The following CARMIL1 variants were observed in gnomAD, a reference collection of about 807,000 sequenced individuals.
CARMIL1 encodes the protein F-actin-uncapping protein LRRC16A.
In CARMIL1, 90 loss-of-function variants were observed where a neutral mutation model predicts 177.1. The observed-to-expected ratio is 0.51, with a 90% CI of 0.43 to 0.61. The LOEUF (loss-of-function observed/expected upper bound fraction) is 0.61. Ranked by LOEUF, CARMIL1 falls within the 20% of genes least tolerant of loss-of-function variation. CARMIL1 has a pLI of 0.00. For synonymous variants in CARMIL1, 577 were observed against 606.2 expected, an observed-to-expected ratio of 0.95 and a Z score of 0.71; for missense variants, 1,380 against 1,667.0, an observed-to-expected ratio of 0.83 and a Z score of 3.00.
At chr6:25,409,962 C>A (rs1794760806) in intron 2 of CARMIL1, among the ~76,000 whole-genome samples, 1 of 152,142 alleles carries the variant, frequency 6.6e-6, no homozygotes, top group African/African-American at 2.4e-5. Context: ...ACCTTAATTT[C>A]TTGATAGGAT....
At chr6:25,594,392 C>T in intron 31 of CARMIL1, 23 bp from the exon 32 acceptor site, 5 of 1,436,930 alleles carry the variant, frequency 3.5e-6, no homozygotes, top group Non-Finnish European at 4.9e-6. Context: ...TGTGAATTAA[C>T]ATTACATCTG....
rs143864271 is a variant in CARMIL1 at position 25,483,421 on chromosome 6, C to G, written c.961+1078C>G. On this transcript the variant is annotated intron_variant, in intron 12 of 36. Transcript: ENST00000329474. The stretch of plus-strand genomic sequence containing the variant: ...ATTTGTAAGACAGAAATAACACTAT[C>G]TTATTTCTACACAGGTAGAGTTAAA... 4.4e-3 allele frequency among the ~76,000 whole-genome samples: 662 copies of G among 152,176 alleles called. 8 individuals are homozygous for G. Among genetic ancestry groups the G allele is most frequent in the African/African-American group, 0.015 (618 of 41,508 alleles).
At chr6:25,328,375 G>A (rs1043265065) in intron 2 of CARMIL1, among the ~76,000 whole-genome samples, 10 of 152,022 alleles carry the variant, frequency 6.6e-5, no homozygotes, top group Non-Finnish European at 8.8e-5. Context: ...GGCTTGGTCC[G>A]TCAAGACTGG....
At chr6:25,532,069 C>T (rs1244506739) in intron 24 of CARMIL1, among the ~76,000 whole-genome samples, 1 of 151,522 alleles carries the variant, frequency 6.6e-6, no homozygotes, top group African/African-American at 2.4e-5. Flanking sequence ...CCATGCCTGG[C>T]CCAAGACTTC....
At chr6:25,493,558 T>G (rs1245246773) in intron 15 of CARMIL1, among the ~76,000 whole-genome samples, 1 of 152,158 alleles carries the variant, frequency 6.6e-6, no homozygotes, top group Non-Finnish European at 1.5e-5. Flanking sequence ...CAGAGCAGCC[T>G]CCTATCTAGA....
At chr6:25,394,838 A>G (rs1033921956) in intron 2 of CARMIL1, among the ~76,000 whole-genome samples, 1 of 152,218 alleles carries the variant, frequency 6.6e-6, no homozygotes, top group Non-Finnish European at 1.5e-5. Context: ...AATGAGTACT[A>G]CCTATTTGGA....
intron 25 of CARMIL1, among the ~76,000 whole-genome samples, chr6:25,538,228 C>T (rs1282528221): frequency 6.6e-6 from 1 of 152,182 alleles, no homozygotes; most frequent in African/African-American, 2.4e-5. Context: ...CCCTCAACAA[C>T]TGAGAGGGAG....
intron 30 of CARMIL1, 115 bp downstream of exon 30, chr6:25,581,105 A>G: frequency 1.6e-6 from 2 of 1,289,938 alleles, no homozygotes; most frequent in Non-Finnish European, 2.2e-6. Context: ...AAATATTGAG[A>G]AAGAGTTCAG....
intron 34 of CARMIL1, among the ~76,000 whole-genome samples, chr6:25,605,155 T>C (rs1290424427): frequency 6.6e-6 from 1 of 152,148 alleles, no homozygotes; most frequent in African/African-American, 2.4e-5. Flanking sequence ...TGTTTTTTCA[T>C]TGCAAACTCC....
chr6:25,466,254 G>A (rs749105108), intron 9 of CARMIL1, among the ~76,000 whole-genome samples: 2 of 152,122 alleles, frequency 1.3e-5, no homozygotes, highest in Non-Finnish European at 2.9e-5. Context: ...AGTTACATTT[G>A]CACAGCTGCA....
At chr6:25,403,325 C>A (rs1794052960) in intron 2 of CARMIL1, among the ~76,000 whole-genome samples, 1 of 152,180 alleles carries the variant, frequency 6.6e-6, no homozygotes, top group Non-Finnish European at 1.5e-5. Context: ...TCCTGCTAAC[C>A]TCTGTGGCTT....
At chr6:25,394,291 T>G (rs187797482) in intron 2 of CARMIL1, among the ~76,000 whole-genome samples, 1 of 152,312 alleles carries the variant, frequency 6.6e-6, no homozygotes, top group East Asian at 1.9e-4. Flanking sequence ...AGCACACTAT[T>G]AACTCATTCA....
chr6:25,567,090 C>T (rs992655046), intron 29 of CARMIL1, among the ~76,000 whole-genome samples: 6 of 152,188 alleles, frequency 3.9e-5, no homozygotes, highest in Admixed American at 1.3e-4. Context: ...ACACTTTCCC[C>T]CATCACATTG....
intron 29 of CARMIL1, chr6:25,563,570 T>A (rs1275026200): frequency 2.0e-6 from 2 of 985,320 alleles, no homozygotes; most frequent in Non-Finnish European, 2.4e-6. Context: ...GTACTTGATG[T>A]TGAAGTCTTA....
chr6:25,596,157 G>GTAAATTTTTGGTAAATTTTTGA (rs1298118072), intron 32 of CARMIL1, among the ~76,000 whole-genome samples: 1 of 146,774 alleles, frequency 6.8e-6, no homozygotes, highest in Non-Finnish European at 1.5e-5. Flanking sequence ...TGAAAGTTGG[G>GTAAATTTTTGGTAAATTTTTGA]TAAATTTTGT....
rs928214545 is a variant in CARMIL1 at position 25,510,525 on chromosome 6, C to T, written c.1496C>T (p.Ser499Phe). The T allele has an allele frequency of 6.5e-7, 1 of 1,549,742 alleles. No individual in the cohort carries two copies. Among genetic ancestry groups the T allele is most frequent in the Admixed American group, 2.0e-5 (1 of 51,172 alleles). Residue 499 changes from serine (S) to phenylalanine (F), a missense_variant, in exon 19 of 37, where the codon TCT becomes TTT. Coordinates refer to ENST00000329474, the MANE Select transcript of CARMIL1 (RefSeq NM_017640.6). ...TTTCCAGGTTTAGAATCTGACCTAT[C>T]TACCTTAATAGTGTGGCTCAGTAAA... ...ISDNGLESDL[S>F]TLIVWLSKNR... is the part of the protein sequence containing the mutation.
chr6:25,507,387 T>G (rs1407472807), intron 17 of CARMIL1: 1 of 152,582 alleles, frequency 6.6e-6, no homozygotes, highest in African/African-American at 2.4e-5. Flanking sequence ...TTTTTTACAT[T>G]TTGTATTGAT....
At chr6:25,400,219 T>A (rs1279575012) in intron 2 of CARMIL1, among the ~76,000 whole-genome samples, 4 of 152,214 alleles carry the variant, frequency 2.6e-5, no homozygotes, top group Non-Finnish European at 4.4e-5. Context: ...ATGTAAATCA[T>A]GCTAACCTAG....
chr6:25,404,843 T>A (rs1794224832), intron 2 of CARMIL1, among the ~76,000 whole-genome samples: 1 of 125,420 alleles, frequency 8.0e-6, no homozygotes. Flanking sequence ...GGCCTGTTTC[T>A]GGCAAAGTGC....
Sources: allele counts gnomAD v4.1 joint callset (sites outside exome capture counted in the v4.1 genomes callset), GRCh38; gene constraint gnomAD v4.1.1; transcripts MANE v1.5; gene names NCBI Gene and HGNC (gene_info 2026-07-23, HGNC 2026-07-21).